Variants in CADM2 observed in about 807,000 individuals in gnomAD.
CADM2 encodes cell adhesion molecule 2, also known as immunoglobulin superfamily member 4D.
In CADM2, 12 loss-of-function variants were observed where a neutral mutation model predicts 49.8. The observed-to-expected ratio is 0.24, with a 90% confidence interval of 0.15 to 0.39. The LOEUF is 0.39. Ranked by LOEUF, CADM2 falls within the 10% of genes least tolerant of loss-of-function variation. The probability of loss-of-function intolerance (pLI) is 1.00; values close to 1 mark genes in which losing one functional copy is unlikely to be tolerated. For missense variants in CADM2, 378 were observed against 492.3 expected (o/e 0.77, Z 2.20); for synonymous variants, 214 against 175.4 (o/e 1.22, Z -1.74).
At chr3:85,347,462 A>G (rs900761883) in intron 1 of CADM2, among the ~76,000 whole-genome samples, 2 of 147,828 alleles carry the variant, frequency 1.4e-5, no homozygotes, top group African/African-American at 2.5e-5. Context: ...TAACGAACAT[A>G]TTTGTTCAAA....
At chr3:85,964,042 T>C (rs942749447) in intron 8 of CADM2, among the ~76,000 whole-genome samples, 12 of 151,874 alleles carry the variant, frequency 7.9e-5, no homozygotes, top group African/African-American at 2.9e-4. Flanking sequence ...TAAAGGTTTT[T>C]TCCCCTTTGC....
intron 1 of CADM2, among the ~76,000 whole-genome samples, chr3:85,685,615 C>CTTTTT (rs59277971): frequency 7.5e-4 from 91 of 122,000 alleles, no homozygotes; most frequent in Non-Finnish European, 8.0e-4. Flanking sequence ...TTCTTTCTTT[C>CTTTTT]TTTTTTTTTT....
intron 1 of CADM2, among the ~76,000 whole-genome samples, chr3:85,584,165 T>C (rs539515820): frequency 1.3e-5 from 2 of 152,052 alleles, no homozygotes; most frequent in East Asian, 1.9e-4. Context: ...TATAAACATA[T>C]AATATGTGTA....
intron 1 of CADM2, among the ~76,000 whole-genome samples, chr3:85,475,504 A>C (rs1230076830): frequency 6.6e-6 from 1 of 151,874 alleles, no homozygotes; most frequent in African/African-American, 2.4e-5. Context: ...ATCTTTTTTC[A>C]GATTCTCTTT....
At chr3:85,476,239 G>A (rs146594130) in intron 1 of CADM2, among the ~76,000 whole-genome samples, 122 of 151,994 alleles carry the variant, frequency 8.0e-4, no homozygotes, top group African/African-American at 2.9e-3. Flanking sequence ...TATAAAAAGA[G>A]ATCTTCTTCA....
intron 1 of CADM2, among the ~76,000 whole-genome samples, chr3:85,587,517 T>C (rs2062977725): frequency 6.6e-6 from 1 of 152,000 alleles, no homozygotes; most frequent in Non-Finnish European, 1.5e-5. Context: ...AAGATGCCAA[T>C]AGTAGAATTC....
At chr3:85,814,298 G>A (rs1304256468) in intron 3 of CADM2, among the ~76,000 whole-genome samples, 1 of 151,880 alleles carries the variant, frequency 6.6e-6, no homozygotes, top group East Asian at 1.9e-4. Flanking sequence ...TATTTTCTTA[G>A]TAGCAATTGT....
At chr3:86,061,240 C>G (rs1276848297) in intron 8 of CADM2, among the ~76,000 whole-genome samples, 2 of 151,868 alleles carry the variant, frequency 1.3e-5, no homozygotes, top group Non-Finnish European at 2.9e-5. Context: ...AATAAATAAT[C>G]TGTTATATTT....
At chr3:85,293,208 A>G (rs1176911362) in intron 1 of CADM2, among the ~76,000 whole-genome samples, 246 of 152,100 alleles carry the variant, frequency 1.6e-3, no homozygotes, top group Non-Finnish European at 2.9e-3. Context: ...TAAATTCCTC[A>G]ACACATACAC....
intron 1 of CADM2, among the ~76,000 whole-genome samples, chr3:85,421,946 T>G (rs2036191976): frequency 6.6e-6 from 1 of 152,378 alleles, no homozygotes; most frequent in East Asian, 1.9e-4. Context: ...GACAAAAACA[T>G]AGTAAGTTGG....
At chr3:85,707,410 T>TG (rs3044107) in intron 1 of CADM2, among the ~76,000 whole-genome samples, 300 of 150,724 alleles carry the variant, frequency 2.0e-3, no homozygotes, top group African/African-American at 7.1e-3. Flanking sequence ...TTTTTTTTTT[T>TG]GTAAAATAGT....
chr3:85,359,666 A>ATATATATATATATATATATATAT, intron 1 of CADM2, among the ~76,000 whole-genome samples: 38 of 26,536 alleles, frequency 1.4e-3, no homozygotes, highest in African/African-American at 2.9e-3. Flanking sequence ...ATATATATAT[A>ATATATATATATATATATATATAT]TTTTTTTTTT....
chr3:85,465,136 C>G (rs892523829), intron 1 of CADM2, among the ~76,000 whole-genome samples: 1 of 152,026 alleles, frequency 6.6e-6, no homozygotes, highest in African/African-American at 2.4e-5. Flanking sequence ...GGAGACAGAA[C>G]GAGACTCTGT....
intron 8 of CADM2, among the ~76,000 whole-genome samples, chr3:86,000,133 A>G (rs541415495): frequency 6.6e-6 from 1 of 152,332 alleles, no homozygotes; most frequent in Non-Finnish European, 1.5e-5. Context: ...AGATAAGTTT[A>G]GACACCAGTT....
rs551881018 is a variant in CADM2, at chr3:85,101,683, G to T, written c.61+142015G>T. 1.8e-4 allele frequency among the ~76,000 whole-genome samples: 27 copies of T among 152,286 alleles called. No homozygotes were observed. The South Asian group carries it at 5.4e-3, about 30-fold the overall frequency. On this transcript the variant is annotated intron_variant, in intron 1 of 9. Transcript: ENST00000383699. ...AGAATTGCATGACTACAGCTTAGAAGTATTGTGTTTCTAAAATTGTATTTG... is the reference window on the plus strand; with the variant it reads ...AGAATTGCATGACTACAGCTTAGAATTATTGTGTTTCTAAAATTGTATTTG...
intron 1 of CADM2, among the ~76,000 whole-genome samples, chr3:85,438,358 G>T (rs1430262166): frequency 1.0e-5 from 1 of 99,192 alleles, no homozygotes; most frequent in Non-Finnish European, 2.2e-5. Context: ...CCAAGTCGTG[G>T]TGTTTGAAAA....
At chr3:85,900,193 AAAC>A (rs1424829229) in intron 5 of CADM2, among the ~76,000 whole-genome samples, 3 of 152,202 alleles carry the variant, frequency 2.0e-5, no homozygotes, top group Admixed American at 2.0e-4. Context: ...TTTCAGGTGA[AAAC>A]AACAATTTGT....
intron 1 of CADM2, among the ~76,000 whole-genome samples, chr3:85,422,925 G>C (rs1254285837): frequency 1.3e-5 from 2 of 152,086 alleles, no homozygotes; most frequent in African/African-American, 4.8e-5. Context: ...GCTCAGTGAA[G>C]AGTCAGTGTG....
intron 6 of CADM2, among the ~76,000 whole-genome samples, chr3:85,935,132 GAAAT>G (rs1721048812): frequency 6.6e-6 from 1 of 151,996 alleles, no homozygotes; most frequent in Admixed American, 6.6e-5. Flanking sequence ...TTGTTAAATG[GAAAT>G]AAATAATTTT....
Sources: allele counts gnomAD v4.1 joint callset (sites outside exome capture counted in the v4.1 genomes callset), GRCh38; gene constraint gnomAD v4.1.1; transcripts MANE v1.5; gene names NCBI Gene and HGNC (gene_info 2026-07-23, HGNC 2026-07-21).